ABCA13: variants seen among roughly 807,000 people sequenced by gnomAD.
ABCA13 encodes ATP binding cassette subfamily A member 13, also known as ATP-binding cassette sub-family A member 13.
ABCA13 carries 476 observed loss-of-function variants against 478.7 expected under a neutral mutation model. The ratio of observed to expected loss-of-function variants is 0.99; its 90% CI spans 0.92 to 1.07. The LOEUF is 1.07. ABCA13 is among the 50% of genes least tolerant of loss of function. The probability of loss-of-function intolerance (pLI) is 0.00; values close to 1 mark genes in which losing one functional copy is unlikely to be tolerated. For synonymous variants in ABCA13, 2,252 were observed against 2,158.9 expected (o/e 1.04, Z -1.20); for missense variants, 6,060 against 5,910.6 (o/e 1.03, Z -0.83).
At chr7:48,367,684 C>A in intron 31 of ABCA13, 110 bp from the exon 32 acceptor site, 1 of 810,698 alleles carries the variant, frequency 1.2e-6, no homozygotes, top group Non-Finnish European at 2.1e-6. Context: ...TAGAAATGAC[C>A]AAAGGAGATA....
At chr7:48,507,318 C>A (rs1585636906) in intron 49 of ABCA13, among the ~76,000 whole-genome samples, 1 of 152,130 alleles carries the variant, frequency 6.6e-6, no homozygotes, top group East Asian at 1.9e-4. Context: ...GAGGAGGCAG[C>A]AATTGACTTG....
intron 29 of ABCA13, among the ~76,000 whole-genome samples, chr7:48,349,815 A>G (rs1198938447): frequency 2.6e-5 from 4 of 152,138 alleles, no homozygotes; most frequent in African/African-American, 9.7e-5. Flanking sequence ...TGGAAAGTTG[A>G]GTGTTCAGGA....
At chr7:48,626,721 G>A (rs1312702297) in intron 59 of ABCA13, 1 of 985,406 alleles carries the variant, frequency 1.0e-6, no homozygotes, top group Non-Finnish European at 1.2e-6. Context: ...ATCTGAGCTT[G>A]AGAAAAGGAG....
chr7:48,338,449 A>G lies in ABCA13; in HGVS notation c.10198A>G (p.Thr3400Ala), dbSNP rs1157292041. 5.7e-6 allele frequency: 9 copies of G among 1,588,548 alleles called. No homozygotes were observed. Among genetic ancestry groups the G allele is most frequent in the South Asian group, 2.3e-5 (2 of 86,606 alleles). Residue 3400 changes from threonine (T) to alanine (A), a missense_variant, in exon 29 of 62, where the codon ACA becomes GCA. Transcript: ENST00000435803. ...DVDKLTEKLQ[T>A]YGGLLDEMFN... is the part of the protein sequence containing the mutation. ...AGACAAACTTACTGAAAAACTCCAG[A>G]CATACGGTAAGTGTGCTGATGGGCA...
chr7:48,530,925 C>T (rs1333746218), intron 55 of ABCA13, among the ~76,000 whole-genome samples: 1 of 152,096 alleles, frequency 6.6e-6, no homozygotes, highest in Non-Finnish European at 1.5e-5. Context: ...AGATTTTCTC[C>T]CACTCTGTGG....
chr7:48,570,375 A>G (rs1252330539), intron 55 of ABCA13, among the ~76,000 whole-genome samples: 6 of 121,392 alleles, frequency 4.9e-5, no homozygotes, highest in Admixed American at 1.1e-4. Flanking sequence ...CCCAGGCTGG[A>G]GTGCAGTGGC....
rs1324755221 is a variant in ABCA13, at chr7:48,392,077, GCTCTTTGCTTCC to G, written c.11812_11823del (p.Leu3938_Ser3941del). The G allele has an allele frequency of 6.2e-6, 10 of 1,613,864 alleles. No homozygotes were observed. The highest frequency in any genetic ancestry group is 8.5e-6 in the Non-Finnish European group (10 of 1,179,898). On this transcript the variant is annotated inframe_deletion, in exon 38 of 62. Transcript: ENST00000435803. ...ACCTCACCGTCCGGGAACATTTGCT[GCTCTTTGCTTCC>G]ATAAAGGCGCCTCAGTGGACCAAGA...
rs1815499049 is a variant in ABCA13, at chr7:48,388,307, G to A, written c.11473+348G>A. ...GTGTAAGAAATAAAAGCAAATATGG[G>A]CAGCTACCCTGTGTAAAGCATTTAA... On this transcript the variant is annotated intron_variant, in intron 36 of 61. Coordinates refer to ENST00000435803, the MANE Select transcript of ABCA13 (RefSeq NM_152701.5). 3.9e-5 allele frequency among the ~76,000 whole-genome samples: 6 copies of A among 152,352 alleles called. No individual in the cohort carries two copies. The South Asian group carries it at 1.2e-3, about 32-fold the overall frequency.
chr7:48,464,917 CTTA>C (rs1424657108), intron 43 of ABCA13, among the ~76,000 whole-genome samples: 1 of 152,130 alleles, frequency 6.6e-6, no homozygotes, highest in Non-Finnish European at 1.5e-5. Context: ...GCAGGGAGGA[CTTA>C]TTATGGAATC....
At chr7:48,450,401 A>G (rs1824844633) in intron 42 of ABCA13, among the ~76,000 whole-genome samples, 1 of 152,226 alleles carries the variant, frequency 6.6e-6, no homozygotes, top group African/African-American at 2.4e-5. Flanking sequence ...AGAATAAAAG[A>G]GTCATAATCT....
chr7:48,439,997 G>A (rs116341968), intron 42 of ABCA13, among the ~76,000 whole-genome samples: 2,616 of 152,090 alleles, frequency 0.017, 86 homozygotes, highest in African/African-American at 0.059. Context: ...CTGAATTTCC[G>A]CAACTTGAGC....
chr7:48,257,983 A>G (rs62449185), intron 15 of ABCA13, among the ~76,000 whole-genome samples: 19,128 of 152,006 alleles, frequency 0.13, 1,222 homozygotes, highest in South Asian at 0.18. Flanking sequence ...GAGTGAAGTG[A>G]TGCAGTCGAG....
At chr7:48,464,231 C>G (rs1161429345) in intron 43 of ABCA13, among the ~76,000 whole-genome samples, 3 of 152,116 alleles carry the variant, frequency 2.0e-5, no homozygotes, top group Non-Finnish European at 4.4e-5. Flanking sequence ...TAGGAAAAAG[C>G]ATTTGAAGTT....
intron 25 of ABCA13, among the ~76,000 whole-genome samples, chr7:48,313,577 A>G (rs1311604774): frequency 6.6e-6 from 1 of 152,238 alleles, no homozygotes; most frequent in Non-Finnish European, 1.5e-5. Context: ...ATTGCTTTCA[A>G]AAACCTTAAA....
intron 1 of ABCA13, among the ~76,000 whole-genome samples, chr7:48,175,971 G>T (rs1794817422): frequency 6.6e-6 from 1 of 152,132 alleles, no homozygotes. Flanking sequence ...CAGTCTGTTT[G>T]GGTTCTCCCA....
chr7:48,498,467 C>T (rs1830463582), intron 48 of ABCA13, among the ~76,000 whole-genome samples: 2 of 152,132 alleles, frequency 1.3e-5, no homozygotes, highest in Admixed American at 6.6e-5. Context: ...ATCTTGTTTG[C>T]ACCCCAGAAT....
At position 48,313,161 on chromosome 7, in the gene ABCA13, T is replaced by G; in HGVS notation, c.9611T>G (p.Phe3204Cys). 6.2e-7 allele frequency: 1 copy of G among 1,613,186 alleles called. No homozygotes were observed. Among genetic ancestry groups the G allele is most frequent in the Non-Finnish European group, 8.5e-7 (1 of 1,179,508 alleles). The change falls in exon 25 of 62, where the codon TTT becomes TGT. Residue 3204 changes from phenylalanine to cysteine, a missense_variant. This residue lies in a region of ABCA13 where 4,423 missense variants were observed against 4,309.1 expected (regional missense o/e 1.03). Coordinates refer to ENST00000435803, the MANE Select transcript of ABCA13 (RefSeq NM_152701.5). Reference protein sequence around the residue: ...SALLAKAQHVFEYLPEFLHTF... With the variant: ...SALLAKAQHVCEYLPEFLHTF... The stretch of plus-strand genomic sequence containing the variant: ...TTGCTTGCCAAAGCCCAGCACGTCT[T>G]TGAGTATCTTCCTGAGTTTCTTCAC...
In ABCA13 at chr7:48,272,575, G is replaced by T. The variant is rs751403158; in HGVS notation, c.2909G>T (p.Arg970Leu). ...LLLQIYSSFY[R>L]YIYELLNIQS... Reference sequence around the variant, plus strand: ...CTGCAAATTTATTCTTCATTTTACCGATATATTTATGAATTATTGAATATT... The same window carrying T: ...CTGCAAATTTATTCTTCATTTTACCTATATATTTATGAATTATTGAATATT... Residue 970 changes from arginine to leucine, a missense_variant, in exon 17 of 62, where the codon CGA becomes CTA. Physicochemically the swap from Arg to Leu is moderately radical, Grantham distance 102. Around this residue, in one of 3 missense-constraint regions of ABCA13, gnomAD observed 4,423 missense variants for 4,309.1 expected, o/e 1.03. Transcript: ENST00000435803. 6 of 1,613,442 alleles carry T rather than the reference G, an allele frequency of 3.7e-6. No individual in the cohort carries two copies. The Admixed American group carries it at 6.7e-5, about 18-fold the overall frequency.
Position 48,368,393 on chromosome 7 carries a change from T to G in ABCA13, c.10803+485T>G, listed in dbSNP as rs545135412. On this transcript the variant is annotated intron_variant, in intron 32 of 61. Coordinates refer to ENST00000435803, the MANE Select transcript of ABCA13 (RefSeq NM_152701.5). ...GTTCTTCGGTAGCGATTTCTGAGAT[T>G]TTGGTGCACCCATCACCCGAGCAGT... 1.7e-3 allele frequency among the ~76,000 whole-genome samples: 265 copies of G among 152,068 alleles called. 1 individual carries two copies. Among genetic ancestry groups the G allele is most frequent in the African/African-American group, 6.1e-3 (255 of 41,496 alleles).
Sources: gnomAD v4.1 joint callset for allele counts (sites outside exome capture counted in the v4.1 genomes callset) on GRCh38, gnomAD v4.1.1 for gene constraint, gnomAD v4.1.1 regional missense constraint, MANE v1.5 for transcripts, NCBI Gene and HGNC (gene_info 2026-07-23, HGNC 2026-07-21) for gene names.